SMAD2: variants seen among roughly 807,000 people sequenced by gnomAD.
SMAD2 encodes the protein SMAD family member 2.
SMAD2 carries 8 observed loss-of-function variants against 64.4 expected under a neutral mutation model. The observed-to-expected ratio is 0.12, with a 90% CI of 0.07 to 0.22. The LOEUF is 0.22. SMAD2 is among the 10% of genes least tolerant of loss of function. SMAD2 has a pLI of 1.00. For missense variants in SMAD2, 289 were observed against 561.2 expected, an observed-to-expected ratio of 0.51 and a Z score of 4.90; for synonymous variants, 203 against 195.8, an observed-to-expected ratio of 1.04 and a Z score of -0.31.
At chr18:47,860,353 C>A (rs924711039) in intron 6 of SMAD2, among the ~76,000 whole-genome samples, 1 of 152,000 alleles carries the variant, frequency 6.6e-6, no homozygotes, top group Non-Finnish European at 1.5e-5. Context: ...CTCAATGCAA[C>A]CTCCACCTCC....
At chr18:47,868,140 CA>C in intron 5 of SMAD2, 182 bp downstream of exon 5, 1 of 593,482 alleles carries the variant, frequency 1.7e-6, no homozygotes, top group Non-Finnish European at 3.0e-6. Flanking sequence ...CTTCTCCAAA[CA>C]AAACTGTTTA....
chr18:47,853,528 G>C (rs1465027822), intron 6 of SMAD2: 1 of 188,806 alleles, frequency 5.3e-6, no homozygotes, highest in African/African-American at 2.4e-5. Context: ...TGTCTCGAGA[G>C]GGAAAAAAAA....
intron 2 of SMAD2, among the ~76,000 whole-genome samples, chr18:47,890,825 C>T (rs1381091624): frequency 6.6e-6 from 1 of 152,152 alleles, no homozygotes; most frequent in East Asian, 1.9e-4. Context: ...AAAGCAGTTG[C>T]TTAAGAATGG....
At chr18:47,912,135 A>C (rs1321607243) in intron 1 of SMAD2, 1 of 152,226 alleles carries the variant, frequency 6.6e-6, no homozygotes, top group African/African-American at 2.4e-5. Flanking sequence ...AAAGACAGGA[A>C]ACGTTTTAGG....
intron 2 of SMAD2, among the ~76,000 whole-genome samples, chr18:47,892,836 G>A (rs1007582442): frequency 5.9e-5 from 9 of 152,084 alleles, no homozygotes; most frequent in Non-Finnish European, 1.2e-4. Flanking sequence ...ACCACCTTAG[G>A]AAAGTCCTTT....
rs1912342935 is a variant in SMAD2, at chr18:47,815,693, T to TGAAACC, written c.*26128_*26133dup. ...GAGGGGTGATTTAGTAAGGAGGGGGTGAAACCGAAAATCAACAAGGTTTGT... is the reference window on the plus strand; with the variant it reads ...GAGGGGTGATTTAGTAAGGAGGGGGTGAAACCGAAACCGAAAATCAACAAGGTTTGT... On this transcript the variant is annotated 3_prime_UTR_variant, in exon 11 of 11. Transcript: ENST00000262160. 6.6e-6 allele frequency: 1 copy of TGAAACC among 152,114 alleles called. No homozygotes were observed. Among genetic ancestry groups the TGAAACC allele is most frequent in the Non-Finnish European group, 1.5e-5 (1 of 68,048 alleles). 9.4% of individuals were successfully genotyped at this position (152,114 alleles called of 1,614,324 possible).
rs375566636 is a variant in SMAD2 at position 47,877,558 on chromosome 18, T to C, written c.237-6994A>G. 2.0e-5 allele frequency among the ~76,000 whole-genome samples: 3 copies of C among 152,282 alleles called. No homozygotes were observed. In the East Asian group the frequency reaches 5.8e-4, roughly 29 times the overall value. On this transcript the variant is annotated intron_variant, in intron 2 of 10. Transcript: ENST00000262160. Reference sequence around the variant, plus strand: ...ATATAATTGAAAGACACAAAATAGATTGTAGTATTCAATTACAAATGTTTA... The same window carrying C: ...ATATAATTGAAAGACACAAAATAGACTGTAGTATTCAATTACAAATGTTTA...
At position 47,854,316 on chromosome 18, in the gene SMAD2, A is replaced by G. The variant is rs187556652; in HGVS notation, c.731-2989T>C. On this transcript the variant is annotated intron_variant, in intron 6 of 10. Transcript: ENST00000262160. ...AAATTCACATATATTTGTAGGATAC[A>G]TTCGTCAAACCTTTGACAAATTAAC... 1.7e-4 allele frequency among the ~76,000 whole-genome samples: 26 copies of G among 152,356 alleles called. No individual in the cohort carries two copies. In the East Asian group the frequency reaches 5.0e-3, roughly 29 times the overall value.
intron 1 of SMAD2, among the ~76,000 whole-genome samples, chr18:47,898,941 C>A (rs1395933303): frequency 2.0e-5 from 3 of 150,870 alleles, no homozygotes; most frequent in Non-Finnish European, 4.4e-5. Context: ...ATTCTCAAAT[C>A]CAGTCTGTGT....
intron 6 of SMAD2, among the ~76,000 whole-genome samples, chr18:47,852,615 C>T (rs940062064): frequency 6.6e-6 from 1 of 152,078 alleles, no homozygotes; most frequent in Non-Finnish European, 1.5e-5. Context: ...TGGTAGAATT[C>T]TTCTGTGAAA....
chr18:47,886,214 T>A (rs1258349473), intron 2 of SMAD2, among the ~76,000 whole-genome samples: 4 of 152,226 alleles, frequency 2.6e-5, no homozygotes, highest in African/African-American at 9.6e-5. Context: ...TTTTATAATC[T>A]GACAATTTTT....
Position 47,885,132 on chromosome 18 carries a change from TACACACACACACACACACACACAC to T in SMAD2, c.236+11365_236+11388del, listed in dbSNP as rs57342899. On this transcript the variant is annotated intron_variant, in intron 2 of 10. Coordinates refer to ENST00000262160, the MANE Select transcript of SMAD2 (RefSeq NM_005901.6). ...TATCGATTTTCTAGATTTAGTCATA[TACACACACACACACACACACACAC>T]ACACACACACACACACACACACACA... 3.3e-3 allele frequency among the ~76,000 whole-genome samples: 476 copies of T among 142,190 alleles called. 1 individual carries two copies. The highest frequency in any genetic ancestry group is 5.2e-3 in the Non-Finnish European group (341 of 65,740). 93.3% of individuals were successfully genotyped at this position (142,190 alleles called of 152,430 possible).
chr18:47,852,547 C>T (rs926532427), intron 6 of SMAD2, among the ~76,000 whole-genome samples: 1 of 152,292 alleles, frequency 6.6e-6, no homozygotes, highest in African/African-American at 2.4e-5. Context: ...GACAATCTAG[C>T]AGCTTTATCC....
At chr18:47,894,557 A>T (rs1309894462) in intron 2 of SMAD2, among the ~76,000 whole-genome samples, 2 of 151,940 alleles carry the variant, frequency 1.3e-5, no homozygotes, top group Non-Finnish European at 2.9e-5. Context: ...TCTCCACACC[A>T]CCGCACTACA....
At chr18:47,910,048 C>T (rs2034063730) in intron 1 of SMAD2, among the ~76,000 whole-genome samples, 1 of 151,900 alleles carries the variant, frequency 6.6e-6, no homozygotes, top group Non-Finnish European at 1.5e-5. Context: ...ATAGAAAAAA[C>T]CATGAAAGCC....
At chr18:47,849,096 T>C (rs1367611578) in intron 7 of SMAD2, among the ~76,000 whole-genome samples, 4 of 152,122 alleles carry the variant, frequency 2.6e-5, no homozygotes, top group Non-Finnish European at 5.9e-5. Flanking sequence ...CAAAGATTAA[T>C]GAGTCAAAAG....
intron 2 of SMAD2, among the ~76,000 whole-genome samples, chr18:47,893,684 TAAG>T (rs1340641960): frequency 6.6e-6 from 1 of 152,192 alleles, no homozygotes; most frequent in African/African-American, 2.4e-5. Context: ...TTCTTACATT[TAAG>T]AATATTTAGT....
chr18:47,923,512 A>G (rs2034645597), intron 1 of SMAD2: 1 of 152,218 alleles, frequency 6.6e-6, no homozygotes, highest in Non-Finnish European at 1.5e-5. Context: ...TCAGTTTCTC[A>G]GTCACAGCAG....
intron 1 of SMAD2, among the ~76,000 whole-genome samples, chr18:47,897,307 G>C (rs372518469): frequency 6.6e-6 from 1 of 152,186 alleles, no homozygotes; most frequent in Admixed American, 6.5e-5. Flanking sequence ...CAAGAATAAA[G>C]AAATAAACAT....
Sources: gnomAD v4.1 joint callset for allele counts (sites outside exome capture counted in the v4.1 genomes callset) on GRCh38, gnomAD v4.1.1 for gene constraint, MANE v1.5 for transcripts, NCBI Gene and HGNC (gene_info 2026-07-23, HGNC 2026-07-21) for gene names.